The following CPED1 variants were observed in gnomAD, a reference collection of about 807,000 sequenced individuals.
CPED1 encodes the protein cadherin-like and PC-esterase domain-containing protein 1.
In CPED1, 114 loss-of-function variants were observed where a neutral mutation model predicts 128.2. The ratio of observed to expected loss-of-function variants is 0.89; its 90% CI spans 0.76 to 1.04. The LOEUF (loss-of-function observed/expected upper bound fraction) is 1.04, where lower values mean the gene tolerates loss of function less well. Ranked by LOEUF, CPED1 falls within the 50% of genes least tolerant of loss-of-function variation. The pLI, the probability that CPED1 is intolerant of heterozygous loss-of-function variation, is 0.00. For missense variants in CPED1, 1,211 were observed against 1,207.1 expected (o/e 1.00, Z -0.05); for synonymous variants, 462 against 426.7 (o/e 1.08, Z -1.02).
chr7:121,069,619 C>T (rs1201250568), intron 5 of CPED1, among the ~76,000 whole-genome samples: 4 of 152,052 alleles, frequency 2.6e-5, no homozygotes, highest in Non-Finnish European at 4.4e-5. Flanking sequence ...CACACATCCA[C>T]GGAATTTTTA....
At chr7:121,178,341 A>G (rs1032002880) in intron 16 of CPED1, among the ~76,000 whole-genome samples, 2 of 152,104 alleles carry the variant, frequency 1.3e-5, no homozygotes, top group Non-Finnish European at 2.9e-5. Flanking sequence ...TACATTTTAC[A>G]CACCAAGTTT....
intron 7 of CPED1, among the ~76,000 whole-genome samples, chr7:121,117,078 T>TATATATATATATATAA: frequency 2.2e-4 from 2 of 9,280 alleles, no homozygotes; most frequent in African/African-American, 6.0e-4. Flanking sequence ...ATATACACAT[T>TATATATATATATATAA]ATATATATAT....
chr7:121,145,874 G>A (rs1010851887), intron 16 of CPED1, among the ~76,000 whole-genome samples: 33 of 151,606 alleles, frequency 2.2e-4, no homozygotes, highest in Middle Eastern at 3.4e-3. Flanking sequence ...CAGATTAAAT[G>A]GCAAGCTGTT....
chr7:121,091,838 A>G (rs556987720), intron 5 of CPED1, among the ~76,000 whole-genome samples: 1 of 152,292 alleles, frequency 6.6e-6, no homozygotes, highest in East Asian at 1.9e-4. Context: ...TGTTATTTAT[A>G]ATATTATTTG....
intron 16 of CPED1, among the ~76,000 whole-genome samples, chr7:121,216,917 C>G (rs969985071): frequency 6.6e-6 from 1 of 151,744 alleles, no homozygotes; most frequent in Non-Finnish European, 1.5e-5. Context: ...AACTGTTACA[C>G]TTTTTTTTGG....
chr7:121,021,551 GCCCATAAGTAAGA>G (rs1039689996), intron 3 of CPED1, among the ~76,000 whole-genome samples: 23 of 151,908 alleles, frequency 1.5e-4, no homozygotes, highest in African/African-American at 5.6e-4. Context: ...GCTTTAAATT[GCCCATAAGTAAGA>G]CGAGCTTAAC....
intron 16 of CPED1, among the ~76,000 whole-genome samples, chr7:121,217,771 A>G (rs1189627325): frequency 2.0e-5 from 3 of 152,030 alleles, no homozygotes; most frequent in Admixed American, 6.6e-5. Context: ...AGCACCTGAA[A>G]GCCTGTATAG....
At chr7:121,147,018 C>T (rs898141699) in intron 16 of CPED1, among the ~76,000 whole-genome samples, 4 of 152,046 alleles carry the variant, frequency 2.6e-5, no homozygotes, top group African/African-American at 9.7e-5. Context: ...ATAGCAACCC[C>T]CTCCCCAAGA....
intron 3 of CPED1, among the ~76,000 whole-genome samples, chr7:121,026,063 C>T (rs1792572551): frequency 6.6e-6 from 1 of 152,176 alleles, no homozygotes; most frequent in South Asian, 2.1e-4. Context: ...GTTAGGAGAT[C>T]ACTATGATTT....
Position 121,093,397 on chromosome 7 carries a change from T to TACACACACACACACACACAC in CPED1, c.617-4290_617-4271dup, listed in dbSNP as rs10526224. 7.2e-3 allele frequency among the ~76,000 whole-genome samples: 1,047 copies of TACACACACACACACACACAC among 145,520 alleles called. 10 individuals are homozygous for TACACACACACACACACACAC. The highest frequency in any genetic ancestry group is 0.025 in the African/African-American group (978 of 39,120). On this transcript the variant is annotated intron_variant, in intron 5 of 22. Transcript: ENST00000310396. Reference sequence around the variant, plus strand: ...AAGCTAATATTGCTCCCTTTTTCTGTACACACACACACACACACACACACA... The same window carrying TACACACACACACACACACAC: ...AAGCTAATATTGCTCCCTTTTTCTGTACACACACACACACACACACACACACACACACACACACACACACA...
chr7:121,144,284 A>G (rs1328990878), intron 16 of CPED1, among the ~76,000 whole-genome samples: 1 of 152,138 alleles, frequency 6.6e-6, no homozygotes, highest in African/African-American at 2.4e-5. Context: ...TATGGAATCA[A>G]CCTAAGTGTC....
At position 121,224,264 on chromosome 7, in the gene CPED1, C is replaced by T. The variant is rs147655404; in HGVS notation, c.2056-12450C>T. On this transcript the variant is annotated intron_variant, in intron 16 of 22. Coordinates refer to ENST00000310396, the MANE Select transcript of CPED1 (RefSeq NM_024913.5). The stretch of plus-strand genomic sequence containing the variant: ...GTTGTTCAGTTTCCATGTAGTTGTG[C>T]GGTTTTGAGTGAGTTTCTTAATCCT... 6.6e-5 allele frequency among the ~76,000 whole-genome samples: 10 copies of T among 152,128 alleles called. No individual in the cohort carries two copies. The East Asian group carries it at 1.2e-3, about 18-fold the overall frequency.
intron 2 of CPED1, among the ~76,000 whole-genome samples, chr7:121,006,170 G>A (rs763902656): frequency 6.6e-6 from 1 of 152,128 alleles, no homozygotes; most frequent in Non-Finnish European, 1.5e-5. Context: ...AGGCTGAATT[G>A]CTGAATTAAC....
At chr7:121,158,402 G>A (rs1271642479) in intron 16 of CPED1, among the ~76,000 whole-genome samples, 1 of 152,082 alleles carries the variant, frequency 6.6e-6, no homozygotes, top group Non-Finnish European at 1.5e-5. Flanking sequence ...CTGCCAACTG[G>A]ACACATGCCG....
chr7:120,991,463 C>T (rs2721358), intron 2 of CPED1, among the ~76,000 whole-genome samples: 47,885 of 151,998 alleles, frequency 0.32, 8,033 homozygotes, highest in African/African-American at 0.41. Context: ...TTAGTTTCAA[C>T]ATTGAGAAAG....
chr7:121,014,648 A>G (rs1327339062), intron 2 of CPED1, among the ~76,000 whole-genome samples: 2 of 152,100 alleles, frequency 1.3e-5, no homozygotes, highest in Non-Finnish European at 2.9e-5. Flanking sequence ...AGTGCTGAAA[A>G]TCATGGCATT....
chr7:121,140,476 TA>T (rs1355719688), intron 14 of CPED1, among the ~76,000 whole-genome samples: 3 of 152,060 alleles, frequency 2.0e-5, no homozygotes, highest in Admixed American at 1.3e-4. Flanking sequence ...CCCACTTACA[TA>T]GTTGCTTGAT....
At chr7:121,108,897 T>C in intron 7 of CPED1, among the ~76,000 whole-genome samples, 1 of 152,094 alleles carries the variant, frequency 6.6e-6, no homozygotes. Flanking sequence ...CTTTTTTCCT[T>C]GGAAAAACAA....
chr7:121,241,557 G>C (rs978937332), intron 17 of CPED1, among the ~76,000 whole-genome samples: 2 of 151,828 alleles, frequency 1.3e-5, no homozygotes, highest in Non-Finnish European at 2.9e-5. Flanking sequence ...GCAGACCCTC[G>C]TTTTCTCCAA....
Sources: allele counts gnomAD v4.1 joint callset (sites outside exome capture counted in the v4.1 genomes callset), GRCh38; gene constraint gnomAD v4.1.1; transcripts MANE v1.5; gene names NCBI Gene and HGNC (gene_info 2026-07-23, HGNC 2026-07-21).